FHIT: variants seen among roughly 807,000 people sequenced by gnomAD.
FHIT encodes the protein fragile histidine triad diadenosine triphosphatase.
Under a neutral mutation model 17.9 loss-of-function variants are expected in FHIT, and 19 were observed. That is an observed-to-expected ratio of 1.06 (90% CI 0.74 to 1.56). The LOEUF (loss-of-function observed/expected upper bound fraction) is 1.56, where lower values mean the gene tolerates loss of function less well. Among genes scored for constraint, FHIT ranks in the 40% most tolerant of loss-of-function variants. FHIT has a pLI of 0.00. For missense variants in FHIT, 248 were observed against 189.2 expected (o/e 1.31, Z -1.82); for synonymous variants, 81 against 69.7 (o/e 1.16, Z -0.81).
At chr3:60,668,498 ACT>A (rs2040433254) in intron 4 of FHIT, among the ~76,000 whole-genome samples, 1 of 144,242 alleles carries the variant, frequency 6.9e-6, no homozygotes, top group Non-Finnish European at 1.5e-5. Flanking sequence ...GGGTTGGGAC[ACT>A]CTAAACACTC....
At chr3:61,013,045 T>C (rs974822469) in intron 3 of FHIT, among the ~76,000 whole-genome samples, 6 of 152,098 alleles carry the variant, frequency 3.9e-5, no homozygotes, top group Non-Finnish European at 8.8e-5. Context: ...ACTTAAAAAA[T>C]ATTTAACAAT....
intron 7 of FHIT, among the ~76,000 whole-genome samples, chr3:59,951,644 C>T (rs1707121893): frequency 6.6e-6 from 1 of 152,098 alleles, no homozygotes; most frequent in South Asian, 2.1e-4. Context: ...GGTGAGCTGA[C>T]TCTTTCTTGC....
rs1705279254 is a variant in FHIT at position 59,919,092 on chromosome 3, A to C, written c.348+3254T>G. 2.6e-5 allele frequency among the ~76,000 whole-genome samples: 4 copies of C among 152,318 alleles called. 1 individual carries two copies. Among genetic ancestry groups the C allele is most frequent in the South Asian group, 4.1e-4 (2 of 4,826 alleles). ...AAACATTGCAATACTGATCACAAAA[A>C]ACCCCCCACTATTTGTTACAGAACT... On this transcript the variant is annotated intron_variant, in intron 8 of 9. Coordinates refer to ENST00000492590, the MANE Select transcript of FHIT (RefSeq NM_002012.4).
chr3:59,894,863 C>T (rs182694035), intron 8 of FHIT, among the ~76,000 whole-genome samples: 1 of 152,326 alleles, frequency 6.6e-6, no homozygotes, highest in East Asian at 1.9e-4. Context: ...ATCCCAAGTG[C>T]TACCAGCTGC....
chr3:60,373,929 G>A (rs1184781899), intron 5 of FHIT, among the ~76,000 whole-genome samples: 1 of 152,204 alleles, frequency 6.6e-6, no homozygotes, highest in Non-Finnish European at 1.5e-5. Context: ...TCAGGAAGTA[G>A]AGAAAAGTCA....
chr3:60,343,883 C>T (rs1378485008), intron 5 of FHIT, among the ~76,000 whole-genome samples: 1 of 152,136 alleles, frequency 6.6e-6, no homozygotes, highest in African/African-American at 2.4e-5. Flanking sequence ...ATGAAGCATG[C>T]TTTTGGTGGC....
chr3:61,054,358 T>C (rs931506607), intron 2 of FHIT, among the ~76,000 whole-genome samples: 2 of 96,054 alleles, frequency 2.1e-5, no homozygotes, highest in Non-Finnish European at 5.4e-5. Context: ...TAACAAATTA[T>C]CTCTTTTTTT....
At chr3:60,146,810 T>C (rs1182434051) in intron 5 of FHIT, among the ~76,000 whole-genome samples, 2 of 152,166 alleles carry the variant, frequency 1.3e-5, no homozygotes, top group East Asian at 1.9e-4. Flanking sequence ...TAAAACTTCC[T>C]ACCATGCGTC....
intron 3 of FHIT, among the ~76,000 whole-genome samples, chr3:60,924,652 T>A (rs1331837468): frequency 6.6e-6 from 1 of 151,992 alleles, no homozygotes; most frequent in East Asian, 1.9e-4. Flanking sequence ...TCAGAGCGCC[T>A]CTCCTCCTCG....
intron 3 of FHIT, among the ~76,000 whole-genome samples, chr3:60,930,924 T>C (rs1216368933): frequency 1.3e-5 from 2 of 152,242 alleles, no homozygotes; most frequent in Admixed American, 6.5e-5. Flanking sequence ...CGTGTGTTTA[T>C]TGCGGCACTA....
chr3:59,990,517 A>T (rs1169308242), intron 7 of FHIT, among the ~76,000 whole-genome samples: 1 of 152,114 alleles, frequency 6.6e-6, no homozygotes, highest in East Asian at 1.9e-4. Context: ...CTCTCACCAG[A>T]TCTCAATCCA....
chr3:60,775,516 A>G (rs1414015923), intron 4 of FHIT, among the ~76,000 whole-genome samples: 1 of 152,088 alleles, frequency 6.6e-6, no homozygotes, highest in Non-Finnish European at 1.5e-5. Context: ...TTTTCACCCA[A>G]TAAAACCCTG....
At chr3:61,013,833 C>T (rs2031928683) in intron 3 of FHIT, among the ~76,000 whole-genome samples, 1 of 152,152 alleles carries the variant, frequency 6.6e-6, no homozygotes, top group Non-Finnish European at 1.5e-5. Context: ...GCAATACCAG[C>T]CTGATTTCTT....
chr3:60,996,661 A>G (rs1269232717), intron 3 of FHIT, among the ~76,000 whole-genome samples: 1 of 152,228 alleles, frequency 6.6e-6, no homozygotes, highest in East Asian at 1.9e-4. Context: ...ACATATAATC[A>G]ACATTAACCA....
intron 3 of FHIT, among the ~76,000 whole-genome samples, chr3:60,850,374 T>C (rs1703109718): frequency 6.8e-6 from 1 of 147,890 alleles, no homozygotes; most frequent in African/African-American, 2.5e-5. Flanking sequence ...TCTCATGCTC[T>C]GCATCTTTAA....
chr3:59,824,998 G>C (rs1471969298), intron 8 of FHIT, among the ~76,000 whole-genome samples: 1 of 152,134 alleles, frequency 6.6e-6, no homozygotes, highest in Admixed American at 6.5e-5. Context: ...GGTTTTCAAA[G>C]GACTTTTGAA....
intron 7 of FHIT, among the ~76,000 whole-genome samples, chr3:59,970,217 C>A (rs1032038218): frequency 6.6e-6 from 1 of 152,076 alleles, no homozygotes; most frequent in African/African-American, 2.4e-5. Context: ...CTGTAAAAAA[C>A]GGCTTTAAAA....
intron 5 of FHIT, among the ~76,000 whole-genome samples, chr3:60,329,689 CA>C (rs1370812635): frequency 6.6e-6 from 1 of 152,192 alleles, no homozygotes; most frequent in Non-Finnish European, 1.5e-5. Flanking sequence ...AAAAAGATCT[CA>C]AAGCAGAAAG....
At chr3:60,275,390 C>T (rs111942224) in intron 5 of FHIT, among the ~76,000 whole-genome samples, 2 of 152,156 alleles carry the variant, frequency 1.3e-5, no homozygotes, top group African/African-American at 4.8e-5. Flanking sequence ...CAGTACCTGC[C>T]TTAAAGTAAT....
Sources: gnomAD v4.1 joint callset for allele counts (sites outside exome capture counted in the v4.1 genomes callset) on GRCh38, gnomAD v4.1.1 for gene constraint, MANE v1.5 for transcripts, NCBI Gene and HGNC (gene_info 2026-07-23, HGNC 2026-07-21) for gene names.